The following CACNA2D3 variants were observed in gnomAD, a reference collection of about 807,000 sequenced individuals.
CACNA2D3 encodes the protein calcium voltage-gated channel auxiliary subunit alpha2delta 3, also known as voltage-dependent calcium channel subunit alpha-2/delta-3.
A neutral mutation model predicts 160.6 loss-of-function variants in CACNA2D3; 60 were observed. That is an observed-to-expected ratio of 0.37 (90% CI 0.30 to 0.46). The LOEUF (loss-of-function observed/expected upper bound fraction) is 0.46, where lower values mean the gene tolerates loss of function less well. CACNA2D3 is among the 20% of genes least tolerant of loss of function. CACNA2D3 has a pLI of 1.00. For synonymous variants in CACNA2D3, 558 were observed against 492.9 expected, an observed-to-expected ratio of 1.13 and a Z score of -1.75; for missense variants, 1,205 against 1,365.0, an observed-to-expected ratio of 0.88 and a Z score of 1.85.
chr3:54,519,182 C>G (rs1701606310), intron 5 of CACNA2D3, among the ~76,000 whole-genome samples: 1 of 152,286 alleles, frequency 6.6e-6, no homozygotes, highest in Admixed American at 6.5e-5. Flanking sequence ...TTGTGAAGGC[C>G]AGCCATTTCA....
chr3:54,833,491 T>TG (rs1703923901), intron 14 of CACNA2D3, among the ~76,000 whole-genome samples: 1 of 151,902 alleles, frequency 6.6e-6, no homozygotes, highest in East Asian at 1.9e-4. Flanking sequence ...AGCTACAGGT[T>TG]GGGGGGCCAC....
rs1449846526 is a variant in CACNA2D3 at position 54,716,927 on chromosome 3, A to C, written c.1168-35672A>C. Among the ~76,000 whole-genome samples the C allele has an allele frequency of 4.0e-5, 6 of 150,286 alleles. No individual in the cohort carries two copies. In the East Asian group the frequency reaches 1.2e-3, roughly 29 times the overall value. On this transcript the variant is annotated intron_variant, in intron 11 of 37. Coordinates refer to ENST00000474759, the MANE Select transcript of CACNA2D3 (RefSeq NM_018398.3). ...GTGGCACTTTTTTTTTTTTTTTAAC[A>C]AGTTCCCTCTACCATGTTAAATCAT...
chr3:54,682,666 AGT>A (rs138264529), intron 11 of CACNA2D3, among the ~76,000 whole-genome samples: 9,577 of 152,232 alleles, frequency 0.063, 948 homozygotes, highest in African/African-American at 0.22. Context: ...AAGTTCAAAA[AGT>A]GAGTATAGTG....
chr3:54,499,118 G>A (rs1701247778), intron 4 of CACNA2D3, among the ~76,000 whole-genome samples: 1 of 152,080 alleles, frequency 6.6e-6, no homozygotes, highest in Admixed American at 6.6e-5. Flanking sequence ...AAGTTTGAAA[G>A]TAGTATTGCT....
At chr3:54,435,429 C>A (rs1700045702) in intron 4 of CACNA2D3, among the ~76,000 whole-genome samples, 1 of 152,076 alleles carries the variant, frequency 6.6e-6, no homozygotes, top group Non-Finnish European at 1.5e-5. Context: ...GAATTGTAGC[C>A]CCATGTTCAC....
At chr3:54,822,348 G>A (rs1703622639) in intron 14 of CACNA2D3, among the ~76,000 whole-genome samples, 1 of 152,202 alleles carries the variant, frequency 6.6e-6, no homozygotes, top group Non-Finnish European at 1.5e-5. Flanking sequence ...CAGCGTGAGA[G>A]GCTCTGTGGA....
chr3:54,931,146 C>G (rs1559634764), intron 27 of CACNA2D3, among the ~76,000 whole-genome samples: 1 of 152,172 alleles, frequency 6.6e-6, no homozygotes, highest in African/African-American at 2.4e-5. Context: ...CATGGATTTA[C>G]AGACTTCAAA....
chr3:54,801,570 A>G (rs1300348128), intron 13 of CACNA2D3, among the ~76,000 whole-genome samples: 1 of 152,206 alleles, frequency 6.6e-6, no homozygotes, highest in Admixed American at 6.5e-5. Flanking sequence ...ATATTCAAAT[A>G]ATTTAAATAT....
chr3:54,520,625 A>G (rs77591613), intron 5 of CACNA2D3, among the ~76,000 whole-genome samples: 3,118 of 152,274 alleles, frequency 0.02, 93 homozygotes, highest in East Asian at 0.11. Flanking sequence ...AATTCACATA[A>G]CATACAATTT....
chr3:54,581,678 T>C, intron 8 of CACNA2D3, 125 bp from the exon 9 acceptor site: 4 of 725,538 alleles, frequency 5.5e-6, no homozygotes, highest in Non-Finnish European at 9.8e-6. Flanking sequence ...GAGTTCACCT[T>C]ATGTGAATAA....
chr3:54,873,969 G>T (rs1469330800), intron 18 of CACNA2D3, among the ~76,000 whole-genome samples: 2 of 152,188 alleles, frequency 1.3e-5, no homozygotes, highest in Non-Finnish European at 2.9e-5. Flanking sequence ...AGTAGCAGAG[G>T]ACAGGGTTTA....
intron 4 of CACNA2D3, among the ~76,000 whole-genome samples, chr3:54,471,724 C>T (rs1029627801): frequency 2.0e-5 from 3 of 151,950 alleles, no homozygotes; most frequent in Admixed American, 6.6e-5. Flanking sequence ...GGGATATCAC[C>T]GCTGATCCCA....
At chr3:54,452,531 C>T (rs1597309) in intron 4 of CACNA2D3, among the ~76,000 whole-genome samples, 11 of 152,042 alleles carry the variant, frequency 7.2e-5, no homozygotes, top group Admixed American at 5.9e-4. Context: ...TGTATTTCTC[C>T]CAGCAGTCTC....
rs137867435 is a variant in CACNA2D3 at position 54,424,899 on chromosome 3, G to A, written c.381+38125G>A. Among the ~76,000 whole-genome samples, 137 of 152,232 alleles carry A rather than the reference G, an allele frequency of 9.0e-4. 4 individuals carry two copies. The East Asian group carries it at 0.025, about 27-fold the overall frequency. ...AAATCTTTCCGATTACCACGTTTCTGCATCCCTGTGTCTCTGCATCCCATC... is the reference window on the plus strand; with the variant it reads ...AAATCTTTCCGATTACCACGTTTCTACATCCCTGTGTCTCTGCATCCCATC... On this transcript the variant is annotated intron_variant, in intron 4 of 37. Coordinates refer to ENST00000474759, the MANE Select transcript of CACNA2D3 (RefSeq NM_018398.3).
chr3:54,123,632 C>T (rs1215747109), intron 2 of CACNA2D3, 38 bp downstream of exon 2: 7 of 1,545,500 alleles, frequency 4.5e-6, no homozygotes, highest in East Asian at 2.2e-5. Context: ...ATGATTTTTC[C>T]GGCACAGAAA....
intron 2 of CACNA2D3, among the ~76,000 whole-genome samples, chr3:54,187,773 C>T (rs1576987046): frequency 1.3e-5 from 2 of 152,142 alleles, no homozygotes; most frequent in South Asian, 2.1e-4. Context: ...CTGAATCCCT[C>T]GCATGCACAG....
intron 4 of CACNA2D3, among the ~76,000 whole-genome samples, chr3:54,493,654 T>G (rs573743106): frequency 6.6e-6 from 1 of 152,348 alleles, no homozygotes; most frequent in South Asian, 2.1e-4. Flanking sequence ...CCCAGCCTCG[T>G]GCATCTTTGC....
intron 29 of CACNA2D3, among the ~76,000 whole-genome samples, chr3:54,977,587 A>G (rs1702418563): frequency 6.6e-6 from 1 of 152,172 alleles, no homozygotes; most frequent in Admixed American, 6.5e-5. Flanking sequence ...GGTTATGATG[A>G]TTTGTGGCCT....
At chr3:54,124,113 T>C (rs2107241915) in intron 2 of CACNA2D3, among the ~76,000 whole-genome samples, 1 of 152,272 alleles carries the variant, frequency 6.6e-6, no homozygotes, top group Admixed American at 6.5e-5. Context: ...TCATTGCAGA[T>C]AAGGAGAATG....
Sources: gnomAD v4.1 joint callset for allele counts (sites outside exome capture counted in the v4.1 genomes callset) on GRCh38, gnomAD v4.1.1 for gene constraint, MANE v1.5 for transcripts, NCBI Gene and HGNC (gene_info 2026-07-23, HGNC 2026-07-21) for gene names.